REDIC1: variants seen among roughly 807,000 people sequenced by gnomAD.
REDIC1 encodes HEI10 Interacting Protein 1.
chr12:39,854,609 C>CTCCAA, the REDIC1 span, among the ~76,000 whole-genome samples: 1 of 152,176 alleles, frequency 6.6e-6, no homozygotes, highest in Non-Finnish European at 1.5e-5. Flanking sequence ...ACTCTTCTCC[C>CTCCAA]TCCAATCTAT....
At chr12:39,869,003 G>A in the REDIC1 span, among the ~76,000 whole-genome samples, 103,541 of 152,020 alleles carry the variant, frequency 0.68, 35,712 homozygotes, top group African/African-American at 0.77. Context: ...ATAAATCATA[G>A]TAAGAACACA....
chr12:39,847,336 C>A, the REDIC1 span, among the ~76,000 whole-genome samples: 8 of 152,096 alleles, frequency 5.3e-5, no homozygotes. Context: ...CCTAACTGGG[C>A]ACATTGTGGC....
At chr12:39,708,020 TGTG>T in the REDIC1 span, among the ~76,000 whole-genome samples, 1 of 151,644 alleles carries the variant, frequency 6.6e-6, no homozygotes, top group Non-Finnish European at 1.5e-5. Context: ...GAAAGGTAGT[TGTG>T]GGGTTGGGAG....
At chr12:39,646,834 C>G in the REDIC1 span, 2 of 1,544,506 alleles carry the variant, frequency 1.3e-6, no homozygotes. Context: ...TTTTTCTTTT[C>G]ATTAGTGTAA....
At chr12:39,646,560 C>T in the REDIC1 span, 1 of 1,207,834 alleles carries the variant, frequency 8.3e-7, no homozygotes, top group East Asian at 2.7e-5. Context: ...CCTTCTACCC[C>T]CAGTTTTTGT....
At chr12:39,719,265 T>C in the REDIC1 span, among the ~76,000 whole-genome samples, 1 of 152,136 alleles carries the variant, frequency 6.6e-6, no homozygotes, top group Non-Finnish European at 1.5e-5. Context: ...TAAAGGATCC[T>C]GCTTATAATT....
chr12:39,689,998 G>A, the REDIC1 span, among the ~76,000 whole-genome samples: 1 of 152,164 alleles, frequency 6.6e-6, no homozygotes. Flanking sequence ...GGTAGAGCAG[G>A]TATGGGGACT....
the REDIC1 span, among the ~76,000 whole-genome samples, chr12:39,707,339 T>C: frequency 4.7e-4 from 72 of 152,028 alleles, no homozygotes; most frequent in African/African-American, 1.5e-3. Context: ...AAATGACTTA[T>C]ATCCCAAAGA....
the REDIC1 span, among the ~76,000 whole-genome samples, chr12:39,815,114 C>G: frequency 6.6e-6 from 1 of 152,040 alleles, no homozygotes; most frequent in Non-Finnish European, 1.5e-5. Flanking sequence ...ATCTTCTGGT[C>G]AGTTACTGAG....
the REDIC1 span, among the ~76,000 whole-genome samples, chr12:39,768,652 A>G: frequency 1.3e-5 from 2 of 152,098 alleles, no homozygotes; most frequent in African/African-American, 4.8e-5. Flanking sequence ...CACACACAAC[A>G]TTTATAATTA....
the REDIC1 span, among the ~76,000 whole-genome samples, chr12:39,705,130 A>G: frequency 6.6e-6 from 1 of 151,990 alleles, no homozygotes; most frequent in African/African-American, 2.4e-5. Context: ...ATGAAAAAGG[A>G]ACATAATAGC....
chr12:39,863,770 A>G, the REDIC1 span, among the ~76,000 whole-genome samples: 4 of 152,186 alleles, frequency 2.6e-5, no homozygotes, highest in Non-Finnish European at 5.9e-5. Flanking sequence ...CCAAAGGCAC[A>G]TAGATCACAA....
the REDIC1 span, among the ~76,000 whole-genome samples, chr12:39,693,254 T>C: frequency 1.1e-4 from 16 of 152,216 alleles, no homozygotes; most frequent in African/African-American, 3.9e-4. Context: ...TTCATGTCGA[T>C]CTGGTACTCT....
At chr12:39,713,597 CGT>C in the REDIC1 span, among the ~76,000 whole-genome samples, 4 of 145,700 alleles carry the variant, frequency 2.7e-5, no homozygotes, top group Non-Finnish European at 6.0e-5. Context: ...TGTATAGATA[CGT>C]ATATATACAT....
At chr12:39,903,411 G>T in the REDIC1 span, among the ~76,000 whole-genome samples, 1 of 152,068 alleles carries the variant, frequency 6.6e-6, no homozygotes, top group South Asian at 2.1e-4. Context: ...CTTGATAGGG[G>T]TAATGGGAGT....
chr12:39,721,278 A>T, the REDIC1 span: 1 of 1,567,152 alleles, frequency 6.4e-7, no homozygotes, highest in South Asian at 1.2e-5. Flanking sequence ...CCTAGGATGT[A>T]GAATTTCACT....
chr12:39,646,846 C>T, the REDIC1 span: 1 of 1,556,926 alleles, frequency 6.4e-7, no homozygotes, highest in Non-Finnish European at 8.7e-7. Context: ...TTAGTGTAAA[C>T]TGTCAAAGAC....
At chr12:39,745,240 C>T in the REDIC1 span, among the ~76,000 whole-genome samples, 1 of 152,152 alleles carries the variant, frequency 6.6e-6, no homozygotes, top group East Asian at 1.9e-4. Context: ...AGGCTTAGTT[C>T]CTAAATCCAT....
At chr12:39,675,372 C>T in the REDIC1 span, among the ~76,000 whole-genome samples, 1 of 152,032 alleles carries the variant, frequency 6.6e-6, no homozygotes, top group African/African-American at 2.4e-5. Flanking sequence ...CTCTTGGGAA[C>T]TCTATGGCCC....
Sources: gnomAD v4.1 joint callset for allele counts (sites outside exome capture counted in the v4.1 genomes callset) on GRCh38, gnomAD v4.1.1 for gene constraint, MANE v1.5 for transcripts, NCBI Gene and HGNC (gene_info 2026-07-23, HGNC 2026-07-21) for gene names.